Variants in DNHD1 observed in about 807,000 individuals in gnomAD.
DNHD1 encodes the protein dynein heavy chain domain 1.
In DNHD1, 383 loss-of-function variants were observed where a neutral mutation model predicts 458.1. That is an observed-to-expected ratio of 0.84 (90% CI 0.77 to 0.91). DNHD1 has a LOEUF of 0.91. DNHD1 is among the 40% of genes least tolerant of loss of function. The pLI is 0.00. For missense variants in DNHD1, 5,336 were observed against 5,866.1 expected (o/e 0.91, Z 2.95); for synonymous variants, 2,203 against 2,376.9 (o/e 0.93, Z 2.13).
chr11:6,519,464 A>T, intron 7 of DNHD1, 136 bp from the exon 8 acceptor site: 1 of 926,172 alleles, frequency 1.1e-6, no homozygotes, highest in Non-Finnish European at 1.7e-6. Flanking sequence ...GGTAAACTCT[A>T]CTAAAAAGGA....
Position 6,557,306 on chromosome 11 carries a change from C to G in DNHD1, c.8011C>G (p.Leu2671Val). 6.4e-7 allele frequency: 1 copy of G among 1,551,608 alleles called. No homozygotes were observed. ...CAGGGAACGCTCCTACTGTGCCAAG[C>G]TGCTCCTAGTAGTAGCTCAAAGTGT... Reference protein sequence around the residue: ...SPRERSYCAKLLLVVAQSVFC... With the variant: ...SPRERSYCAKVLLVVAQSVFC... Residue 2671 changes from leucine (L) to valine (V), a missense_variant, in exon 25 of 43, where the codon CTG (leucine) becomes GTG (valine). Physicochemically the swap from Leu to Val is conservative, Grantham distance 32. This residue lies in a region of DNHD1 where 3,932 missense variants were observed against 4,365.6 expected (regional missense o/e 0.90). Transcript: ENST00000254579.
In DNHD1 at chr11:6,533,744, C is replaced by T. The variant is rs1852880891; in HGVS notation, c.2569C>T (p.His857Tyr). ...GCGAATGGAATACGTACGGGCACTC[C>T]ACGAACTCATCCGCAACCACTTTAG... is the stretch of plus-strand genomic sequence containing the variant. Reference protein sequence around the residue: ...EERMEYVRALHELIRNHFSLF... With the variant: ...EERMEYVRALYELIRNHFSLF... Residue 857 changes from histidine to tyrosine, a missense_variant, in exon 14 of 43, where the codon CAC becomes TAC. By Grantham distance (83) the His-to-Tyr change is moderately conservative. This residue lies in a region of DNHD1 where 3,932 missense variants were observed against 4,365.6 expected (regional missense o/e 0.90). Coordinates refer to ENST00000254579, the MANE Select transcript of DNHD1 (RefSeq NM_144666.3). 6.4e-7 allele frequency: 1 copy of T among 1,551,456 alleles called. No individual in the cohort carries two copies. The highest frequency in any genetic ancestry group is 8.7e-7 in the Non-Finnish European group (1 of 1,146,962).
intron 3 of DNHD1, 121 bp from the exon 4 acceptor site, chr11:6,502,632 G>A (rs1301706377): frequency 1.8e-5 from 15 of 820,590 alleles, no homozygotes; most frequent in African/African-American, 8.8e-5. Context: ...ACAATGCCAC[G>A]TCAGGTCTCC....
At position 6,546,583 on chromosome 11, in the gene DNHD1, G is replaced by C; in HGVS notation, c.5644G>C (p.Glu1882Gln). Reference protein sequence around the residue: ...CRLPLLKQILEDTIRTLNVTK... With the variant: ...CRLPLLKQILQDTIRTLNVTK... ...CCTGCCACTGCTCAAGCAGATACTG[G>C]AAGACACAATACGGACACTAAATGT... Residue 1882 changes from glutamate (E) to glutamine (Q), a missense_variant, in exon 21 of 43, where the codon GAA becomes CAA. Physicochemically the swap from Glu to Gln is conservative, Grantham distance 29. Coordinates refer to ENST00000254579, the MANE Select transcript of DNHD1 (RefSeq NM_144666.3). 6.4e-7 allele frequency: 1 copy of C among 1,551,836 alleles called. No homozygotes were observed. The highest frequency in any genetic ancestry group is 1.2e-5 in the South Asian group (1 of 84,062).
intron 10 of DNHD1, 82 bp from the exon 11 acceptor site, chr11:6,528,436 TACAC>T: frequency 8.6e-7 from 1 of 1,160,188 alleles, no homozygotes; most frequent in Non-Finnish European, 1.2e-6. Flanking sequence ...TGTGTGTGTG[TACAC>T]ACACTGAGGG....
At position 6,545,807 on chromosome 11, in the gene DNHD1, T is replaced by A. The variant is rs1165883255; in HGVS notation, c.4868T>A (p.Leu1623His). The A allele has an allele frequency of 6.4e-7, 1 of 1,551,888 alleles. No homozygotes were observed. The highest frequency in any genetic ancestry group is 1.2e-5 in the South Asian group (1 of 84,060). ...HIIPKSPLQS[L>H]KTIASSEPSL... is the part of the protein sequence containing the mutation. ...ATCCCCAAAAGCCCCCTACAGAGTC[T>A]TAAGACTATTGCATCTTCTGAACCC... Residue 1623 changes from leucine to histidine, a missense_variant, in exon 21 of 43, where the codon CTT (leucine) becomes CAT (histidine). Leu to His is a moderately conservative substitution (Grantham distance 99). Around this residue, in one of 4 missense-constraint regions of DNHD1, gnomAD observed 3,932 missense variants for 4,365.6 expected, o/e 0.90. Transcript: ENST00000254579. This position sits in a 1 kb window ranked among gnomAD's most constrained non-coding sequence, Gnocchi z 4.9.
chr11:6,571,411 T>C lies in DNHD1; in HGVS notation c.13899T>C (p.Pro4633=), dbSNP rs748327909. The part of the protein sequence containing the change: ...QYKRLEMNSN[P]LHFRVENGPN... Reference sequence around the variant, plus strand: ...AACGTCTGGAGATGAACAGCAACCCTCTGCACTTCAGGGTATCTTCGCGCC... The same window carrying C: ...AACGTCTGGAGATGAACAGCAACCCCCTGCACTTCAGGGTATCTTCGCGCC... Residue 4633 remains proline, a synonymous_variant, in exon 42 of 43, where the codon CCT becomes CCC. Transcript: ENST00000254579. This position sits in a 1 kb window ranked among gnomAD's most constrained non-coding sequence, Gnocchi z 5.0. 1.9e-6 allele frequency: 3 copies of C among 1,599,458 alleles called. No homozygotes were observed. The Middle Eastern group carries it at 5.0e-4, about 266-fold the overall frequency.
intron 7 of DNHD1, among the ~76,000 whole-genome samples, chr11:6,518,879 T>C (rs781516907): frequency 2.6e-5 from 4 of 152,146 alleles, no homozygotes; most frequent in South Asian, 2.1e-4. Flanking sequence ...AGAAGTACAA[T>C]TCACAGAACC....
chr11:6,558,644 G>A lies in DNHD1; in HGVS notation c.9162G>A (p.Lys3054=), dbSNP rs537193270. ...CCTGGGACCAAGCTGCCCTGGCCAA[G>A]GTGGCCCAGCATCACCTGGAGGGTG... ...YEPWDQAALA[K]VAQHHLEGAQ... is the part of the protein sequence containing the mutation. Residue 3054 remains lysine, a synonymous_variant, in exon 26 of 43, where the codon AAG becomes AAA. Coordinates refer to ENST00000254579, the MANE Select transcript of DNHD1 (RefSeq NM_144666.3). 23 of 1,551,510 alleles carry A rather than the reference G, an allele frequency of 1.5e-5. No individual in the cohort carries two copies. In the East Asian group the frequency reaches 3.4e-4, roughly 23 times the overall value.
rs1210575425 is a variant in DNHD1 at position 6,545,108 on chromosome 11, A to C, written c.4169A>C (p.His1390Pro). 6.4e-7 allele frequency: 1 copy of C among 1,551,934 alleles called. No individual in the cohort carries two copies. Among genetic ancestry groups the C allele is most frequent in the African/African-American group, 1.4e-5 (1 of 73,038 alleles). The change falls in exon 21 of 43, where the codon CAT becomes CCT. Residue 1390 changes from histidine to proline, a missense_variant. His to Pro is a moderately conservative substitution (Grantham distance 77). Transcript: ENST00000254579. The surrounding 1 kb of genome is among the most constrained non-coding windows in gnomAD (Gnocchi z 4.9). Reference protein sequence around the residue: ...AQLWVRRCFPHVHAVSFRSCP... With the variant: ...AQLWVRRCFPPVHAVSFRSCP... Reference sequence around the variant, plus strand: ...CTATGGGTACGACGCTGCTTTCCTCATGTGCATGCTGTGAGCTTCAGGTCT... The same window carrying C: ...CTATGGGTACGACGCTGCTTTCCTCCTGTGCATGCTGTGAGCTTCAGGTCT...
chr11:6,497,898 T>A lies in DNHD1; in HGVS notation c.-318T>A, dbSNP rs867641125. 3 of 350,376 alleles carry A rather than the reference T, an allele frequency of 8.6e-6. No homozygotes were observed. Among genetic ancestry groups the A allele is most frequent in the Admixed American group, 4.4e-5 (1 of 22,894 alleles). The allele number at this position is 350,376 out of a possible 1,614,324, so 21.7% of individuals were successfully genotyped here. A position where few individuals can be genotyped will look rare whatever the true frequency, so the allele number is the denominator to read the frequency against. The stretch of plus-strand genomic sequence containing the variant: ...GAAGGAACTCTTCTGCAAGGAGGGC[T>A]CTCACGTCTGTCTTAGGCCTGCTCC... On this transcript the variant is annotated 5_prime_UTR_variant, in exon 3 of 43. Transcript: ENST00000254579.
intron 10 of DNHD1, among the ~76,000 whole-genome samples, chr11:6,523,397 G>A (rs1174722925): frequency 6.6e-6 from 1 of 151,942 alleles, no homozygotes; most frequent in Admixed American, 6.6e-5. Context: ...GAGAGAGAAG[G>A]AAAGATTTTT....
chr11:6,571,258 C>T lies in DNHD1; in HGVS notation c.13746C>T (p.His4582=). 2 of 1,612,650 alleles carry T rather than the reference C, an allele frequency of 1.2e-6. No homozygotes were observed. Among genetic ancestry groups the T allele is most frequent in the Non-Finnish European group, 8.5e-7 (1 of 1,179,700 alleles). The change falls in exon 42 of 43, where the codon CAC becomes CAT. Residue 4582 remains histidine, a synonymous_variant. Coordinates refer to ENST00000254579, the MANE Select transcript of DNHD1 (RefSeq NM_144666.3). The surrounding 1 kb of genome is among the most constrained non-coding windows in gnomAD (Gnocchi z 5.0). ...GTGATGTACCAGAGCGCGTCTTCCA[C>T]CTGTCAGCCTTTCGCCACCCGCGCC... ...ASSDVPERVF[H]LSAFRHPRRL...
chr11:6,517,334 AC>A (rs1259567682), intron 7 of DNHD1, among the ~76,000 whole-genome samples: 1 of 152,234 alleles, frequency 6.6e-6, no homozygotes, highest in East Asian at 1.9e-4. Flanking sequence ...TTTGAATAGA[AC>A]TGTCATATGA....
chr11:6,545,107 C>T lies in DNHD1; in HGVS notation c.4168C>T (p.His1390Tyr). The T allele has an allele frequency of 1.3e-6, 2 of 1,552,122 alleles. No homozygotes were observed. The highest frequency in any genetic ancestry group is 1.7e-6 in the Non-Finnish European group (2 of 1,147,084). ...AQLWVRRCFP[H>Y]VHAVSFRSCP... ...GCTATGGGTACGACGCTGCTTTCCT[C>T]ATGTGCATGCTGTGAGCTTCAGGTC... The change falls in exon 21 of 43, where the codon CAT becomes TAT. Residue 1390 changes from histidine (H) to tyrosine (Y), a missense_variant. This residue lies in a region of DNHD1 where 3,932 missense variants were observed against 4,365.6 expected (regional missense o/e 0.90). Transcript: ENST00000254579. The surrounding 1 kb of genome is among the most constrained non-coding windows in gnomAD (Gnocchi z 4.9).
intron 3 of DNHD1, among the ~76,000 whole-genome samples, chr11:6,500,953 T>TGG (rs1472668450): frequency 7.2e-4 from 107 of 148,286 alleles, no homozygotes; most frequent in African/African-American, 2.5e-3. Flanking sequence ...TCTCTGCAGG[T>TGG]GGGAGAGAGA....
chr11:6,540,001 C>G lies in DNHD1; in HGVS notation c.3546C>G (p.Ala1182=). 6.4e-7 allele frequency: 1 copy of G among 1,551,634 alleles called. No individual in the cohort carries two copies. The highest frequency in any genetic ancestry group is 8.7e-7 in the Non-Finnish European group (1 of 1,146,896). Residue 1182 remains alanine, a synonymous_variant, in exon 18 of 43, where the codon GCC becomes GCG. Transcript: ENST00000254579. ...TGCATGTACCCTACGAGCCCCCAGC[C>G]TCAGAGCGCTCCAAGAGGCAGGTGC... ...FILHVPYEPP[A]SERSKRQVLR... is the part of the protein sequence containing the mutation.
chr11:6,557,390 G>C lies in DNHD1; in HGVS notation c.8095G>C (p.Glu2699Gln). ...CAAGGACCATCAGGAGAGTGAGGAG[G>C]AGGAGGAGGAGGAGAGGGTGCCCGA... is the stretch of plus-strand genomic sequence containing the variant. ...LGKDHQESEE[E>Q]EEEERVPEVE... Residue 2699 changes from glutamate to glutamine, a missense_variant, in exon 25 of 43, where the codon GAG (glutamate) becomes CAG (glutamine). Transcript: ENST00000254579. 1.3e-6 allele frequency: 2 copies of C among 1,550,760 alleles called. No homozygotes were observed. The highest frequency in any genetic ancestry group is 2.4e-5 in the South Asian group (2 of 84,020).
chr11:6,556,530 G>A (rs1017366134), intron 24 of DNHD1, among the ~76,000 whole-genome samples, 153 bp from the exon 25 acceptor site: 2 of 152,208 alleles, frequency 1.3e-5, no homozygotes, highest in African/African-American at 4.8e-5. Flanking sequence ...GAATGTGGGG[G>A]AGGGAGAATA....
Sources: allele counts gnomAD v4.1 joint callset (sites outside exome capture counted in the v4.1 genomes callset), GRCh38; gene constraint gnomAD v4.1.1; regional missense constraint gnomAD v4.1.1; non-coding constraint Gnocchi (gnomAD v3.1); transcripts MANE v1.5; gene names NCBI Gene and HGNC (gene_info 2026-07-23, HGNC 2026-07-21).